The following CSNK2A2IP variants were observed in gnomAD, a reference collection of about 807,000 sequenced individuals.
The protein encoded by CSNK2A2IP is casein kinase 2 subunit alpha' interacting protein.
At chr3:88,408,292 G>T in the CSNK2A2IP span, among the ~76,000 whole-genome samples, 1 of 150,958 alleles carries the variant, frequency 6.6e-6, no homozygotes. Context: ...TATTGTTACC[G>T]CAAGTCTGAC....
chr3:88,451,006 C>T, the CSNK2A2IP span, among the ~76,000 whole-genome samples: 2 of 152,098 alleles, frequency 1.3e-5, no homozygotes, highest in Non-Finnish European at 2.9e-5. Context: ...GCTTTGCCAA[C>T]ATTTGTTCAA....
the CSNK2A2IP span, among the ~76,000 whole-genome samples, chr3:88,435,918 T>TTTCAGGA: frequency 3.2e-5 from 3 of 94,594 alleles, no homozygotes; most frequent in African/African-American, 9.6e-5. Flanking sequence ...ATTATATATA[T>TTTCAGGA]AATGCACATT....
the CSNK2A2IP span, among the ~76,000 whole-genome samples, chr3:88,398,862 T>C: frequency 3.3e-5 from 5 of 152,194 alleles, no homozygotes. Context: ...AGTGCTAAAA[T>C]TTGTGTAGCT....
the CSNK2A2IP span, among the ~76,000 whole-genome samples, chr3:88,409,807 C>A: frequency 6.6e-6 from 1 of 151,952 alleles, no homozygotes; most frequent in South Asian, 2.1e-4. Context: ...CTTTAATTTT[C>A]TATCAGGATA....
chr3:88,362,284 C>T, the CSNK2A2IP span, among the ~76,000 whole-genome samples: 1 of 152,098 alleles, frequency 6.6e-6, no homozygotes, highest in South Asian at 2.1e-4. Context: ...GGGGTTATTA[C>T]CTAAACCCTT....
At chr3:88,386,372 T>A in the CSNK2A2IP span, among the ~76,000 whole-genome samples, 4 of 152,206 alleles carry the variant, frequency 2.6e-5, no homozygotes, top group Non-Finnish European at 5.9e-5. Context: ...GTGATCCACC[T>A]GCCTCGGCCT....
At chr3:88,351,266 G>A in the CSNK2A2IP span, among the ~76,000 whole-genome samples, 1 of 152,020 alleles carries the variant, frequency 6.6e-6, no homozygotes, top group Non-Finnish European at 1.5e-5. Context: ...AAAAAGTATA[G>A]ACTAGAGATG....
chr3:88,406,936 T>G, the CSNK2A2IP span, among the ~76,000 whole-genome samples: 5,015 of 152,160 alleles, frequency 0.033, 276 homozygotes, highest in African/African-American at 0.11. Context: ...GACACGGAGG[T>G]GAGGGGGAGT....
the CSNK2A2IP span, among the ~76,000 whole-genome samples, chr3:88,380,384 G>T: frequency 2.0e-5 from 3 of 151,376 alleles, no homozygotes; most frequent in Non-Finnish European, 3.0e-5. Flanking sequence ...AAATATTAGT[G>T]GCTCACAAAA....
chr3:88,449,868 T>TAGAGAGAGAGAGAGAGAGAGAGAG, the CSNK2A2IP span, among the ~76,000 whole-genome samples: 1 of 74,116 alleles, frequency 1.3e-5, no homozygotes. Context: ...TATATATATA[T>TAGAGAGAGAGAGAGAGAGAGAGAG]ATATATAGAG....
At chr3:88,390,059 T>C in the CSNK2A2IP span, among the ~76,000 whole-genome samples, 2 of 152,052 alleles carry the variant, frequency 1.3e-5, no homozygotes, top group Non-Finnish European at 2.9e-5. Flanking sequence ...GCTCTGAAGG[T>C]GGACGGGACT....
At chr3:88,461,790 G>A in the CSNK2A2IP span, among the ~76,000 whole-genome samples, 1 of 151,960 alleles carries the variant, frequency 6.6e-6, no homozygotes, top group Non-Finnish European at 1.5e-5. Flanking sequence ...TTATGAGACA[G>A]TGTCTAATTC....
At chr3:88,394,378 T>C in the CSNK2A2IP span, among the ~76,000 whole-genome samples, 3 of 152,138 alleles carry the variant, frequency 2.0e-5, no homozygotes, top group African/African-American at 7.2e-5. Flanking sequence ...TTCTAAAAAA[T>C]TTTTGTTTTT....
At chr3:88,368,590 A>G in the CSNK2A2IP span, among the ~76,000 whole-genome samples, 1 of 152,064 alleles carries the variant, frequency 6.6e-6, no homozygotes, top group Non-Finnish European at 1.5e-5. Context: ...TCCACAAGAA[A>G]CAAACAAACA....
At chr3:88,359,524 G>A in the CSNK2A2IP span, among the ~76,000 whole-genome samples, 2 of 151,654 alleles carry the variant, frequency 1.3e-5, no homozygotes, top group Non-Finnish European at 1.5e-5. Context: ...TTTCCTGTCA[G>A]TACTGCTTTG....
chr3:88,390,676 C>T, the CSNK2A2IP span, among the ~76,000 whole-genome samples: 1 of 152,190 alleles, frequency 6.6e-6, no homozygotes, highest in Admixed American at 6.5e-5. Flanking sequence ...GTGAAGGTTG[C>T]ACTTATTTCA....
At chr3:88,458,260 C>T in the CSNK2A2IP span, among the ~76,000 whole-genome samples, 1 of 146,082 alleles carries the variant, frequency 6.8e-6, no homozygotes, top group Non-Finnish European at 1.5e-5. Flanking sequence ...AAGCAATTCT[C>T]CTGCCTCAGG....
chr3:88,387,186 G>A, the CSNK2A2IP span, among the ~76,000 whole-genome samples: 1 of 128,666 alleles, frequency 7.8e-6, no homozygotes, highest in Non-Finnish European at 1.6e-5. Flanking sequence ...TTTTTGAGAT[G>A]CAGTCTTGCT....
chr3:88,374,005 T>G, the CSNK2A2IP span, among the ~76,000 whole-genome samples: 1 of 151,724 alleles, frequency 6.6e-6, no homozygotes, highest in Non-Finnish European at 1.5e-5. Flanking sequence ...ACTCTAGGTA[T>G]GTATGGCTTC....
Sources: allele counts gnomAD v4.1 joint callset (sites outside exome capture counted in the v4.1 genomes callset), GRCh38; gene constraint gnomAD v4.1.1; transcripts MANE v1.5; gene names NCBI Gene and HGNC (gene_info 2026-07-23, HGNC 2026-07-21).